Variants in GPC6 observed in about 807,000 individuals in gnomAD.
GPC6 encodes glypican 6, also known as glypican-6.
In GPC6, 14 loss-of-function variants were observed where a neutral mutation model predicts 55.2. The ratio of observed to expected loss-of-function variants is 0.25; its 90% confidence interval spans 0.17 to 0.40. GPC6 has a LOEUF of 0.40. GPC6 is among the 10% of genes least tolerant of loss of function. The probability of loss-of-function intolerance (pLI) is 1.00; values close to 1 mark genes in which losing one functional copy is unlikely to be tolerated. For missense variants in GPC6, 641 were observed against 708.5 expected (o/e 0.90, Z 1.08); for synonymous variants, 278 against 259.6 (o/e 1.07, Z -0.68).
chr13:93,802,688 A>G (rs1413593001), intron 2 of GPC6, among the ~76,000 whole-genome samples: 2 of 152,110 alleles, frequency 1.3e-5, no homozygotes, highest in Non-Finnish European at 2.9e-5. Flanking sequence ...GTGAGCCACC[A>G]TGCTGGGGCT....
chr13:93,428,155 G>C (rs566638176), intron 1 of GPC6, among the ~76,000 whole-genome samples: 168 of 146,374 alleles, frequency 1.1e-3, no homozygotes, highest in African/African-American at 4.1e-3. Context: ...TGAAGATTTT[G>C]TTTCCATTAT....
At chr13:93,423,458 TC>T (rs1372051327) in intron 1 of GPC6, among the ~76,000 whole-genome samples, 1 of 152,224 alleles carries the variant, frequency 6.6e-6, no homozygotes, top group Non-Finnish European at 1.5e-5. Flanking sequence ...CAGAATTTTT[TC>T]CTTTTTATTT....
intron 4 of GPC6, among the ~76,000 whole-genome samples, chr13:94,247,128 T>A (rs1009767555): frequency 6.6e-6 from 1 of 152,114 alleles, no homozygotes. Flanking sequence ...TGGGATTTTT[T>A]AAAAAATTTA....
Position 94,084,496 on chromosome 13 carries a change from C to T in GPC6, c.877+56602C>T, listed in dbSNP as rs114689556. ...ATCACAAGAATATGAATTTATATCCCCAGGTGGACAGTTATGAAAGTGGGA... is the reference window on the plus strand; with the variant it reads ...ATCACAAGAATATGAATTTATATCCTCAGGTGGACAGTTATGAAAGTGGGA... On this transcript the variant is annotated intron_variant, in intron 4 of 8. Transcript: ENST00000377047. Among the ~76,000 whole-genome samples the T allele has an allele frequency of 2.5e-3, 383 of 152,072 alleles. 1 individual carries two copies. Among genetic ancestry groups the T allele is most frequent in the African/African-American group, 8.9e-3 (370 of 41,474 alleles).
chr13:94,168,228 A>G (rs377302998), intron 4 of GPC6, among the ~76,000 whole-genome samples: 2 of 152,188 alleles, frequency 1.3e-5, no homozygotes, highest in African/African-American at 4.8e-5. Context: ...TCATTCTTGC[A>G]TTCTATAAAC....
chr13:94,359,546 A>G (rs982597919), intron 6 of GPC6, among the ~76,000 whole-genome samples: 7 of 152,202 alleles, frequency 4.6e-5, no homozygotes, highest in Admixed American at 3.3e-4. Flanking sequence ...TTTCCAGTGC[A>G]TCAGGAATAA....
chr13:94,016,550 C>G (rs1292422111), intron 3 of GPC6, among the ~76,000 whole-genome samples: 6 of 152,174 alleles, frequency 3.9e-5, no homozygotes, highest in Non-Finnish European at 8.8e-5. Context: ...AACGTAGCTT[C>G]TCTTTTTCAA....
intron 4 of GPC6, among the ~76,000 whole-genome samples, chr13:94,070,436 G>GT (rs1269194554): frequency 1.3e-5 from 2 of 152,104 alleles, no homozygotes; most frequent in Non-Finnish European, 1.5e-5. Flanking sequence ...TTGTCACTTT[G>GT]TTTTTTGCTG....
upstream of GPC6, among the ~76,000 whole-genome samples, chr13:93,225,512 T>TG (rs1260522591): frequency 0.015 from 1,431 of 94,216 alleles, 25 homozygotes; most frequent in African/African-American, 0.047. Context: ...TGTTTTGTTT[T>TG]TTTTTTTTTT....
At chr13:93,965,003 T>G (rs565606926) in intron 3 of GPC6, among the ~76,000 whole-genome samples, 12 of 152,184 alleles carry the variant, frequency 7.9e-5, no homozygotes, top group African/African-American at 2.9e-4. Flanking sequence ...CAGCAGTCAT[T>G]TAAAAAGATA....
At chr13:93,833,337 C>A (rs1887604720) in intron 3 of GPC6, among the ~76,000 whole-genome samples, 1 of 151,900 alleles carries the variant, frequency 6.6e-6, no homozygotes, top group Non-Finnish European at 1.5e-5. Context: ...TTTTCAACAC[C>A]CAAGGTATTT....
chr13:93,813,834 C>T (rs1886770613), intron 2 of GPC6, among the ~76,000 whole-genome samples: 1 of 151,062 alleles, frequency 6.6e-6, no homozygotes, highest in Non-Finnish European at 1.5e-5. Flanking sequence ...TTTATACTAC[C>T]TTGCAAAAAG....
chr13:94,162,852 A>G (rs1166050688), intron 4 of GPC6, among the ~76,000 whole-genome samples: 1 of 152,132 alleles, frequency 6.6e-6, no homozygotes, highest in African/African-American at 2.4e-5. Context: ...AGTTAAATTC[A>G]GTATTAAAAC....
At chr13:94,220,863 T>A (rs533007550) in intron 4 of GPC6, among the ~76,000 whole-genome samples, 3 of 152,216 alleles carry the variant, frequency 2.0e-5, no homozygotes, top group African/African-American at 7.2e-5. Context: ...TACCTAATTA[T>A]GTCCACATTG....
At chr13:94,317,148 C>T (rs1594162677) in intron 6 of GPC6, among the ~76,000 whole-genome samples, 1 of 152,182 alleles carries the variant, frequency 6.6e-6, no homozygotes, top group Non-Finnish European at 1.5e-5. Flanking sequence ...TCATTGGCTT[C>T]TGCGTGGAAT....
chr13:94,160,944 C>G (rs1405105906), intron 4 of GPC6, among the ~76,000 whole-genome samples: 1 of 152,134 alleles, frequency 6.6e-6, no homozygotes, highest in East Asian at 1.9e-4. Flanking sequence ...CTAGGGAGAA[C>G]AGTACTGTGA....
At chr13:93,455,348 T>G (rs949088741) in intron 1 of GPC6, among the ~76,000 whole-genome samples, 1 of 152,152 alleles carries the variant, frequency 6.6e-6, no homozygotes, top group African/African-American at 2.4e-5. Flanking sequence ...CTGTCACCTC[T>G]CAGTATGATT....
chr13:94,040,339 A>C (rs1415536209), intron 4 of GPC6, among the ~76,000 whole-genome samples: 1 of 151,814 alleles, frequency 6.6e-6, no homozygotes, highest in Non-Finnish European at 1.5e-5. Context: ...GTAATTATTC[A>C]TTGGTTTCTG....
At chr13:93,489,394 A>T (rs1434979269) in intron 1 of GPC6, among the ~76,000 whole-genome samples, 4 of 151,324 alleles carry the variant, frequency 2.6e-5, no homozygotes, top group Admixed American at 6.6e-5. Flanking sequence ...TAGTTTAAAG[A>T]CAGGTAGTGT....
Sources: gnomAD v4.1 joint callset for allele counts (sites outside exome capture counted in the v4.1 genomes callset) on GRCh38, gnomAD v4.1.1 for gene constraint, MANE v1.5 for transcripts, NCBI Gene and HGNC (gene_info 2026-07-23, HGNC 2026-07-21) for gene names.